Variants in KLHL1 observed in about 807,000 individuals in gnomAD.
KLHL1 encodes the protein kelch like family member 1.
KLHL1 carries 47 observed loss-of-function variants against 77.7 expected under a neutral mutation model. That is an observed-to-expected ratio of 0.60 (90% confidence interval 0.48 to 0.77). The LOEUF is 0.77. KLHL1 is among the 30% of genes least tolerant of loss of function. The pLI is 0.00. For missense variants in KLHL1, 925 were observed against 910.8 expected (o/e 1.02, Z -0.20); for synonymous variants, 360 against 325.2 (o/e 1.11, Z -1.15).
intron 1 of KLHL1, among the ~76,000 whole-genome samples, chr13:70,032,913 T>C (rs1886140236): frequency 6.6e-6 from 1 of 152,230 alleles, no homozygotes; most frequent in Admixed American, 6.5e-5. Context: ...ATATCATTAT[T>C]ACTTTTCAAT....
At chr13:70,026,998 T>C (rs1885966723) in intron 1 of KLHL1, among the ~76,000 whole-genome samples, 1 of 152,090 alleles carries the variant, frequency 6.6e-6, no homozygotes, top group South Asian at 2.1e-4. Flanking sequence ...GTTATTGACT[T>C]TATGCCCTGA....
chr13:69,956,238 A>T lies in KLHL1; in HGVS notation c.817+5070T>A, dbSNP rs368189499. Among the ~76,000 whole-genome samples the T allele has an allele frequency of 4.7e-5, 7 of 148,506 alleles. No homozygotes were observed. The East Asian group carries it at 9.8e-4, about 21-fold the overall frequency. ...CCAAAATAAGATAACAAAAAGTTGT[A>T]TTTAGTGCTAAATTTGAAGACCCTT... On this transcript the variant is annotated intron_variant, in intron 3 of 10. Transcript: ENST00000377844.
chr13:70,008,616 T>C (rs1885460427), intron 1 of KLHL1, among the ~76,000 whole-genome samples: 1 of 152,094 alleles, frequency 6.6e-6, no homozygotes, highest in Admixed American at 6.6e-5. Flanking sequence ...CCATCCATAA[T>C]AGTGTGGTTT....
chr13:69,933,813 G>GGGGAAAAAAAAATACTTA (rs1883083926), intron 4 of KLHL1, among the ~76,000 whole-genome samples: 1 of 151,096 alleles, frequency 6.6e-6, no homozygotes, highest in Non-Finnish European at 1.5e-5. Flanking sequence ...AAAAATACTT[G>GGGGAAAAAAAAATACTTA]AGAAAAAAAA....
chr13:70,013,303 C>T (rs1243520425), intron 1 of KLHL1, among the ~76,000 whole-genome samples: 1 of 152,122 alleles, frequency 6.6e-6, no homozygotes, highest in African/African-American at 2.4e-5. Flanking sequence ...AAAGGGAATG[C>T]AGAGAACCCG....
intron 7 of KLHL1, among the ~76,000 whole-genome samples, chr13:69,785,440 A>C (rs966408032): frequency 6.6e-6 from 1 of 152,166 alleles, no homozygotes; most frequent in African/African-American, 2.4e-5. Context: ...AGAAATAAAG[A>C]TGTTCTTTGA....
intron 8 of KLHL1, among the ~76,000 whole-genome samples, chr13:69,722,944 A>G (rs1489495301): frequency 6.6e-6 from 1 of 152,096 alleles, no homozygotes; most frequent in Non-Finnish European, 1.5e-5. Flanking sequence ...ATAAATGGAT[A>G]ATGGAAATGT....
rs1053668010 is a variant in KLHL1 at position 70,066,887 on chromosome 13, A to G, written c.497+40316T>C. 9.9e-5 allele frequency among the ~76,000 whole-genome samples: 15 copies of G among 152,264 alleles called. 1 individual carries two copies. Among genetic ancestry groups the G allele is most frequent in the Middle Eastern group, 6.3e-3 (2 of 316 alleles). On this transcript the variant is annotated intron_variant, in intron 1 of 10. Transcript: ENST00000377844. ...CATTTTATATAACAGCTCTAAAATA[A>G]TAATCTATTTGCCTATCTAGACATA...
intron 1 of KLHL1, among the ~76,000 whole-genome samples, chr13:70,034,039 A>C (rs1886182461): frequency 6.6e-6 from 1 of 152,146 alleles, no homozygotes; most frequent in Admixed American, 6.5e-5. Flanking sequence ...CACTTCCCTA[A>C]ATAGAGTCAA....
Position 69,913,465 on chromosome 13 carries a change from G to A in KLHL1, c.1014+26575C>T, listed in dbSNP as rs551257539. Among the ~76,000 whole-genome samples, 11 of 152,290 alleles carry A rather than the reference G, an allele frequency of 7.2e-5. No individual in the cohort carries two copies. In the East Asian group the frequency reaches 1.7e-3, roughly 24 times the overall value. ...GCACTTAGGGACCTCTGGGTCTGGC[G>A]GTGCACGCGATGGGGAGACAATTGA... On this transcript the variant is annotated intron_variant, in intron 4 of 10. Coordinates refer to ENST00000377844, the MANE Select transcript of KLHL1 (RefSeq NM_020866.3).
chr13:70,038,806 GTC>G (rs1349825716), intron 1 of KLHL1, among the ~76,000 whole-genome samples: 2 of 151,802 alleles, frequency 1.3e-5, no homozygotes, highest in African/African-American at 4.8e-5. Flanking sequence ...GGCCAGGCTG[GTC>G]TCAAACTCCT....
At chr13:69,893,943 C>T (rs1881534447) in intron 4 of KLHL1, among the ~76,000 whole-genome samples, 1 of 152,112 alleles carries the variant, frequency 6.6e-6, no homozygotes, top group African/African-American at 2.4e-5. Flanking sequence ...TTACACATCA[C>T]TCTCCAAAAG....
intron 1 of KLHL1, among the ~76,000 whole-genome samples, chr13:70,023,379 T>A (rs1250407079): frequency 6.6e-6 from 1 of 151,914 alleles, no homozygotes; most frequent in Non-Finnish European, 1.5e-5. Flanking sequence ...ATCATAACAC[T>A]TCACCTAAAA....
chr13:69,934,488 T>A (rs868692223), intron 4 of KLHL1, among the ~76,000 whole-genome samples: 3 of 152,122 alleles, frequency 2.0e-5, no homozygotes, highest in African/African-American at 7.2e-5. Flanking sequence ...TGTATACGCC[T>A]CTAGGGTATA....
intron 5 of KLHL1, among the ~76,000 whole-genome samples, chr13:69,841,336 A>G (rs1349934397): frequency 6.6e-6 from 1 of 151,914 alleles, no homozygotes; most frequent in Non-Finnish European, 1.5e-5. Flanking sequence ...CAACAAAAAA[A>G]ACAGTAGGTT....
intron 4 of KLHL1, among the ~76,000 whole-genome samples, chr13:69,883,220 T>C (rs1031360765): frequency 2.0e-5 from 3 of 152,208 alleles, no homozygotes; most frequent in Non-Finnish European, 2.9e-5. Flanking sequence ...GTTTTTGTTT[T>C]GTTTTGTTTT....
chr13:70,050,942 G>T (rs906184899), intron 1 of KLHL1, among the ~76,000 whole-genome samples: 1 of 151,932 alleles, frequency 6.6e-6, no homozygotes, highest in Non-Finnish European at 1.5e-5. Flanking sequence ...GAGCAGATAA[G>T]TACCTCTTTC....
chr13:69,767,007 C>T (rs1012232063), intron 7 of KLHL1, among the ~76,000 whole-genome samples: 4 of 152,168 alleles, frequency 2.6e-5, no homozygotes, highest in Non-Finnish European at 4.4e-5. Context: ...TTTTGGTATA[C>T]ATTACCCATA....
At chr13:70,010,155 T>C (rs1885498809) in intron 1 of KLHL1, among the ~76,000 whole-genome samples, 7 of 152,200 alleles carry the variant, frequency 4.6e-5, no homozygotes, top group Admixed American at 4.6e-4. Context: ...AGGAAACTTT[T>C]TTCTGTAATG....
Sources: gnomAD v4.1 joint callset for allele counts (sites outside exome capture counted in the v4.1 genomes callset) on GRCh38, gnomAD v4.1.1 for gene constraint, MANE v1.5 for transcripts, NCBI Gene and HGNC (gene_info 2026-07-23, HGNC 2026-07-21) for gene names.